IL1RN: variants seen among roughly 807,000 people sequenced by gnomAD.
IL1RN encodes the protein interleukin-1 receptor antagonist protein.
In IL1RN, 10 loss-of-function variants were observed where a neutral mutation model predicts 13.7. The observed-to-expected ratio is 0.73, with a 90% CI of 0.45 to 1.24. The LOEUF is 1.24. Ranked by LOEUF, IL1RN falls within the 50% of genes most tolerant of loss-of-function variation. The pLI, the probability that IL1RN is intolerant of heterozygous loss-of-function variation, is 0.00. For missense variants in IL1RN, 213 were observed against 222.1 expected (o/e 0.96, Z 0.26); for synonymous variants, 102 against 82.7 (o/e 1.23, Z -1.27).
upstream of IL1RN, among the ~76,000 whole-genome samples, chr2:113,108,474 C>T (rs1186875354): frequency 1.3e-5 from 2 of 151,908 alleles, no homozygotes; most frequent in African/African-American, 2.4e-5. Context: ...TCTTATCACT[C>T]TGACCTCTTC....
chr2:113,111,027 A>C (rs1329966971), upstream of IL1RN: 1 of 152,250 alleles, frequency 6.6e-6, no homozygotes, highest in Non-Finnish European at 1.5e-5. Flanking sequence ...CAAAAGGCTT[A>C]GAGGTTTTGG....
intron 3 of IL1RN, among the ~76,000 whole-genome samples, chr2:113,131,805 C>G (rs1265211404): frequency 2.0e-5 from 3 of 152,154 alleles, no homozygotes; most frequent in Admixed American, 6.5e-5. Flanking sequence ...AATGGGTTTC[C>G]CAGCCCTGGG....
At chr2:113,128,230 T>C (rs1403972172) in intron 1 of IL1RN, among the ~76,000 whole-genome samples, 2 of 152,232 alleles carry the variant, frequency 1.3e-5, no homozygotes, top group African/African-American at 4.8e-5. Flanking sequence ...TTGTGAAAAT[T>C]AAATGCACAG....
At chr2:113,117,246 G>A (rs1202838619), upstream of IL1RN, among the ~76,000 whole-genome samples, 2 of 152,226 alleles carry the variant, frequency 1.3e-5, no homozygotes, top group Non-Finnish European at 2.9e-5. Context: ...AACTGGAAGC[G>A]GGATGGACCC....
At chr2:113,118,531 T>C (rs1169926957) in intron 1 of IL1RN, among the ~76,000 whole-genome samples, 1 of 152,164 alleles carries the variant, frequency 6.6e-6, no homozygotes, top group Non-Finnish European at 1.5e-5. Context: ...CAGGCTCAGG[T>C]GGCCAGAACT....
At chr2:113,112,605 C>T (rs1188299852) in intron 1 of IL1RN, among the ~76,000 whole-genome samples, 1 of 152,164 alleles carries the variant, frequency 6.6e-6, no homozygotes, top group Non-Finnish European at 1.5e-5. Flanking sequence ...GCCTGAATTC[C>T]CCGCCCACGC....
At chr2:113,100,026 G>A in the IL1RN span, among the ~76,000 whole-genome samples, 1 of 133,710 alleles carries the variant, frequency 7.5e-6, no homozygotes, top group Non-Finnish European at 1.6e-5. Flanking sequence ...GAGCCACCGC[G>A]ACTGGCCCCT....
upstream of IL1RN, among the ~76,000 whole-genome samples, chr2:113,102,482 T>C (rs541467455): frequency 4.6e-5 from 7 of 152,242 alleles, no homozygotes; most frequent in Admixed American, 3.9e-4. Flanking sequence ...GCAGCTCTAA[T>C]TGGGGAAGGG....
intron 3 of IL1RN, 29 bp from the exon 4 acceptor site, chr2:113,132,627 C>G (rs1159446901): frequency 6.2e-7 from 1 of 1,601,754 alleles, no homozygotes; most frequent in Non-Finnish European, 8.6e-7. Context: ...TAGGCCTCAG[C>G]TCTCACCTGC....
intron 2 of IL1RN, among the ~76,000 whole-genome samples, chr2:113,121,089 CT>C (rs63034163): frequency 0.21 from 30,626 of 148,260 alleles, 3,429 homozygotes; most frequent in African/African-American, 0.25. Context: ...TCTTCTTCTT[CT>C]TCTTCCTCTT....
At chr2:113,116,020 C>T (rs967233677), upstream of IL1RN, among the ~76,000 whole-genome samples, 1 of 152,196 alleles carries the variant, frequency 6.6e-6, no homozygotes, top group Admixed American at 6.5e-5. Context: ...TAATGCCAAC[C>T]ACATGCCAAG....
chr2:113,107,571 A>G (rs199719215), upstream of IL1RN, among the ~76,000 whole-genome samples: 5 of 96,636 alleles, frequency 5.2e-5, no homozygotes, highest in East Asian at 6.1e-4. Flanking sequence ...TAAAAATACA[A>G]AAAAAAAAAA....
chr2:113,118,424 G>A (rs1040747940), intron 1 of IL1RN, among the ~76,000 whole-genome samples: 7 of 152,206 alleles, frequency 4.6e-5, no homozygotes, highest in African/African-American at 7.2e-5. Context: ...GTGGCACTGA[G>A]CCACAAGGTC....
intron 3 of IL1RN, 144 bp from the exon 4 acceptor site, chr2:113,132,512 C>G: frequency 1.4e-6 from 1 of 707,450 alleles, no homozygotes; most frequent in Non-Finnish European, 2.5e-6. Context: ...CAGACAGGAG[C>G]ACCTGGGGGC....
chr2:113,115,770 T>G (rs1226594270), upstream of IL1RN: 3 of 152,288 alleles, frequency 2.0e-5, no homozygotes, highest in African/African-American at 7.2e-5. Context: ...GAGACAGGCT[T>G]GCAAAGGAGA....
intron 2 of IL1RN, 112 bp downstream of exon 2, chr2:113,129,776 G>T (rs892481070): frequency 8.9e-6 from 7 of 786,640 alleles, no homozygotes; most frequent in Non-Finnish European, 1.6e-5. Flanking sequence ...CCTAATCCTT[G>T]TTGGGTCTTT....
exon 2 of IL1RN, chr2:113,120,128 G>C (rs373740711): frequency 4.3e-6 from 7 of 1,611,062 alleles, no homozygotes; most frequent in Non-Finnish European, 5.1e-6. Flanking sequence ...TGACTCAAAG[G>C]GTAAATTATT....
upstream of IL1RN, chr2:113,112,921 GTTGT>G (rs773221528): frequency 2.6e-4 from 39 of 152,302 alleles, no homozygotes; most frequent in East Asian, 9.6e-4. Context: ...TTTTGTTATG[GTTGT>G]TTGTTGTTGT....
chr2:113,129,714 C>A, intron 2 of IL1RN, 50 bp downstream of exon 2: 1 of 1,203,818 alleles, frequency 8.3e-7, no homozygotes, highest in African/African-American at 1.5e-5. Flanking sequence ...CGTCACTTTG[C>A]CCGTCTGTCT....
Sources: gnomAD v4.1 joint callset for allele counts (sites outside exome capture counted in the v4.1 genomes callset) on GRCh38, gnomAD v4.1.1 for gene constraint, MANE v1.5 for transcripts, NCBI Gene and HGNC (gene_info 2026-07-23, HGNC 2026-07-21) for gene names.